CTXND2: variants seen among roughly 807,000 people sequenced by gnomAD.
CTXND2 encodes the protein cortexin domain containing 2.
intron 1 of CTXND2, among the ~76,000 whole-genome samples, chr1:150,898,837 G>A (rs1243417129): frequency 1.3e-5 from 2 of 150,374 alleles, no homozygotes; most frequent in African/African-American, 4.9e-5. Context: ...CAACACTCTG[G>A]GAAGCCCAGG....
At chr1:150,908,559 T>C (rs1669193588) in intron 1 of CTXND2, among the ~76,000 whole-genome samples, 1 of 152,158 alleles carries the variant, frequency 6.6e-6, no homozygotes, top group Non-Finnish European at 1.5e-5. Context: ...ATATCTTCCT[T>C]ATGCAGAAAA....
intron 1 of CTXND2, 40 bp from the exon 2 acceptor site, chr1:150,912,198 TACAC>T: frequency 2.5e-6 from 1 of 397,322 alleles, no homozygotes; most frequent in Non-Finnish European, 4.4e-6. Context: ...AGAAAACACA[TACAC>T]ACACAAACCG....
intron 1 of CTXND2, among the ~76,000 whole-genome samples, chr1:150,904,381 T>C (rs1669099395): frequency 6.6e-6 from 1 of 152,212 alleles, no homozygotes; most frequent in Non-Finnish European, 1.5e-5. Flanking sequence ...GTTAAATGAA[T>C]ATGTTCAGTT....
At chr1:150,906,745 G>A (rs1669153223) in intron 1 of CTXND2, among the ~76,000 whole-genome samples, 1 of 152,160 alleles carries the variant, frequency 6.6e-6, no homozygotes, top group African/African-American at 2.4e-5. Context: ...TCACAGTCTG[G>A]CCACTCCCCT....
At chr1:150,887,559 T>C (rs587741538) in intron 1 of CTXND2, among the ~76,000 whole-genome samples, 2 of 152,204 alleles carry the variant, frequency 1.3e-5, no homozygotes, top group South Asian at 2.1e-4. Flanking sequence ...CAAGACCTTT[T>C]TCGTTAGAGC....
intron 1 of CTXND2, among the ~76,000 whole-genome samples, chr1:150,911,089 C>G (rs887515726): frequency 7.2e-5 from 11 of 152,086 alleles, no homozygotes; most frequent in African/African-American, 2.4e-4. Flanking sequence ...CAGGCATGAG[C>G]CATCGTGCCT....
At chr1:150,907,704 C>CTTT (rs34842844) in intron 1 of CTXND2, among the ~76,000 whole-genome samples, 10 of 71,484 alleles carry the variant, frequency 1.4e-4, no homozygotes, top group African/African-American at 2.3e-4. Flanking sequence ...CATATGGTGG[C>CTTT]TTTTTTTTTT....
intron 1 of CTXND2, among the ~76,000 whole-genome samples, chr1:150,911,744 A>G (rs1669260651): frequency 6.6e-6 from 1 of 152,172 alleles, no homozygotes; most frequent in Non-Finnish European, 1.5e-5. Context: ...GTAAGTTTTA[A>G]TAATTGAAAT....
At chr1:150,904,834 T>C (rs1669108155) in intron 1 of CTXND2, among the ~76,000 whole-genome samples, 1 of 152,220 alleles carries the variant, frequency 6.6e-6, no homozygotes, top group Admixed American at 6.5e-5. Flanking sequence ...TAAGGTCACA[T>C]GCTTTTAAAA....
At chr1:150,905,062 C>CCACACA (rs58415621) in intron 1 of CTXND2, among the ~76,000 whole-genome samples, 6,176 of 130,698 alleles carry the variant, frequency 0.047, 147 homozygotes, top group Non-Finnish European at 0.053. Flanking sequence ...AAAAAGAAAA[C>CCACACA]CACACACACA....
At chr1:150,887,666 C>T (rs1421864641) in intron 1 of CTXND2, among the ~76,000 whole-genome samples, 1 of 151,984 alleles carries the variant, frequency 6.6e-6, no homozygotes, top group Non-Finnish European at 1.5e-5. Context: ...GTCCTATTAG[C>T]CAGAGAGTGT....
At chr1:150,895,046 T>C (rs1305575834) in intron 1 of CTXND2, among the ~76,000 whole-genome samples, 1 of 151,394 alleles carries the variant, frequency 6.6e-6, no homozygotes, top group Non-Finnish European at 1.5e-5. Context: ...AAAAAACATA[T>C]ATATATACAT....
At chr1:150,898,754 CAAA>C (rs34434799) in intron 1 of CTXND2, among the ~76,000 whole-genome samples, 1 of 81,204 alleles carries the variant, frequency 1.2e-5, no homozygotes, top group Non-Finnish European at 2.4e-5. Flanking sequence ...GATTCTGACT[CAAA>C]AAAAAAAAAA....
chr1:150,906,898 C>G (rs2102602997), intron 1 of CTXND2, among the ~76,000 whole-genome samples: 1 of 152,266 alleles, frequency 6.6e-6, no homozygotes, highest in Non-Finnish European at 1.5e-5. Context: ...TCTTCAATGA[C>G]AGAAAAGTCC....
intron 1 of CTXND2, among the ~76,000 whole-genome samples, chr1:150,897,454 AGCTGGGTCTTTAG>A (rs1668926697): frequency 6.6e-6 from 1 of 152,130 alleles, no homozygotes; most frequent in African/African-American, 2.4e-5. Flanking sequence ...CCTCCCAAGT[AGCTGGGTCTTTAG>A]GCATAAGCCA....
At chr1:150,907,704 C>CTTTT (rs34842844) in intron 1 of CTXND2, among the ~76,000 whole-genome samples, 4 of 71,492 alleles carry the variant, frequency 5.6e-5, no homozygotes, top group African/African-American at 5.7e-5. Flanking sequence ...CATATGGTGG[C>CTTTT]TTTTTTTTTT....
intron 1 of CTXND2, among the ~76,000 whole-genome samples, chr1:150,895,929 C>A (rs1020855025): frequency 2.0e-5 from 3 of 152,138 alleles, no homozygotes; most frequent in African/African-American, 7.2e-5. Context: ...GCCAGCATTG[C>A]CCTAACCAGA....
At chr1:150,908,604 A>C (rs1669194520) in intron 1 of CTXND2, among the ~76,000 whole-genome samples, 1 of 151,854 alleles carries the variant, frequency 6.6e-6, no homozygotes, top group Admixed American at 6.6e-5. Flanking sequence ...CCTAATTTTT[A>C]ATTGAGTTGT....
chr1:150,904,948 T>C lies in CTXND2; in HGVS notation c.-73-7294T>C, dbSNP rs1669109336. 3.3e-5 allele frequency among the ~76,000 whole-genome samples: 5 copies of C among 152,242 alleles called. No homozygotes were observed. The South Asian group carries it at 1.0e-3, about 31-fold the overall frequency. ...GAAACATAAAACTGTAGAACTGCTA[T>C]GTATTTGTGATTGGGAATGATGCTT... On this transcript the variant is annotated intron_variant, in intron 1 of 1. Transcript: ENST00000636087.
Sources: allele counts gnomAD v4.1 joint callset (sites outside exome capture counted in the v4.1 genomes callset), GRCh38; gene constraint gnomAD v4.1.1; transcripts MANE v1.5; gene names NCBI Gene and HGNC (gene_info 2026-07-23, HGNC 2026-07-21).